The following ABCC11 variants were observed in gnomAD, a reference collection of about 807,000 sequenced individuals.
The protein encoded by ABCC11 is ATP-binding cassette sub-family C member 11.
ABCC11 carries 135 observed loss-of-function variants against 149.3 expected under a neutral mutation model. That is an observed-to-expected ratio of 0.90 (90% CI 0.79 to 1.04). The LOEUF (loss-of-function observed/expected upper bound fraction) is 1.04, where lower values mean the gene tolerates loss of function less well. Among genes scored for constraint, ABCC11 ranks in the 50% least tolerant of loss-of-function variants. The pLI, the probability that ABCC11 is intolerant of heterozygous loss-of-function variation, is 0.00. For synonymous variants in ABCC11, 665 were observed against 671.4 expected, an observed-to-expected ratio of 0.99 and a Z score of 0.15; for missense variants, 1,680 against 1,722.1, an observed-to-expected ratio of 0.98 and a Z score of 0.43.
chr16:48,187,595 C>G (rs1463107653), intron 20 of ABCC11, among the ~76,000 whole-genome samples, 168 bp from the exon 21 acceptor site: 2 of 152,172 alleles, frequency 1.3e-5, no homozygotes, highest in Non-Finnish European at 2.9e-5. Context: ...CCACGGCTAC[C>G]TGACTCCTCC....
chr16:48,216,744 CT>C (rs2150879622), intron 6 of ABCC11, among the ~76,000 whole-genome samples: 1 of 152,300 alleles, frequency 6.6e-6, no homozygotes, highest in South Asian at 2.1e-4. Context: ...AGTCCCTCTG[CT>C]TTTAAGATAA....
chr16:48,172,025 C>T (rs1193871739), intron 26 of ABCC11, among the ~76,000 whole-genome samples: 2 of 152,084 alleles, frequency 1.3e-5, no homozygotes, highest in African/African-American at 4.8e-5. Flanking sequence ...ACTCTATACC[C>T]ATTAAACAGT....
At chr16:48,231,742 T>A in intron 2 of ABCC11, 81 bp downstream of exon 2, 14 of 1,510,434 alleles carry the variant, frequency 9.3e-6, no homozygotes, top group South Asian at 5.3e-5. Context: ...TGGGAAGAAA[T>A]TGTTTGACGT....
At chr16:48,220,657 A>G (rs1381878931) in intron 6 of ABCC11, among the ~76,000 whole-genome samples, 1 of 152,354 alleles carries the variant, frequency 6.6e-6, no homozygotes, top group Admixed American at 6.5e-5. Flanking sequence ...ATTATTCCAC[A>G]GCTTCAGAGA....
chr16:48,169,202 T>C (rs867152033), intron 28 of ABCC11, among the ~76,000 whole-genome samples: 5 of 152,210 alleles, frequency 3.3e-5, no homozygotes, highest in African/African-American at 9.7e-5. Flanking sequence ...GAGGGTCTAA[T>C]GTGTTGTGTT....
chr16:48,233,579 A>G (rs1970537483), intron 1 of ABCC11, among the ~76,000 whole-genome samples: 1 of 152,250 alleles, frequency 6.6e-6, no homozygotes, highest in Non-Finnish European at 1.5e-5. Context: ...CCTAGAATAT[A>G]GCTGCATTAA....
intron 10 of ABCC11, among the ~76,000 whole-genome samples, chr16:48,211,850 A>C (rs1158494562): frequency 6.6e-6 from 1 of 152,224 alleles, no homozygotes; most frequent in Admixed American, 6.5e-5. Flanking sequence ...TGAACTACAT[A>C]AATTCAAGCA....
In ABCC11 at chr16:48,224,970, C is replaced by T. The variant is rs189534577; in HGVS notation, c.396-541G>A. On this transcript the variant is annotated intron_variant, in intron 4 of 29. Coordinates refer to ENST00000356608, the MANE Select transcript of ABCC11 (RefSeq NM_001370497.1). ...CCCAGGAGGCAGAAGTTGCAGTAAG[C>T]CGAGATCATGCCACTGCACTCCAGC... Among the ~76,000 whole-genome samples, 866 of 152,026 alleles carry T rather than the reference C, an allele frequency of 5.7e-3. 1 individual carries two copies. The highest frequency in any genetic ancestry group is 9.4e-3 in the Admixed American group (144 of 15,282).
intron 23 of ABCC11, among the ~76,000 whole-genome samples, chr16:48,180,051 G>C (rs1214292543): frequency 6.6e-6 from 1 of 152,206 alleles, no homozygotes; most frequent in African/African-American, 2.4e-5. Context: ...ATCCCTCAGT[G>C]TATCACACCC....
chr16:48,226,311 G>T (rs748359877), intron 4 of ABCC11, among the ~76,000 whole-genome samples: 27 of 121,110 alleles, frequency 2.2e-4, no homozygotes, highest in Non-Finnish European at 3.4e-4. Flanking sequence ...GTCTCACTCT[G>T]TTGCCCAGGC....
chr16:48,236,694 C>G (rs1970706580), intron 1 of ABCC11, among the ~76,000 whole-genome samples: 1 of 152,142 alleles, frequency 6.6e-6, no homozygotes, highest in Non-Finnish European at 1.5e-5. Context: ...TTGGTGTTCT[C>G]CAAAGTAGGC....
rs369240887 is a variant in ABCC11, at chr16:48,214,531, C to T, written c.1248+350G>A. ...CGACCACGAAGGGAAGGACTGAAGACGCTATACCTTTGTATTTAAAGTGCA... is the reference window on the plus strand; with the variant it reads ...CGACCACGAAGGGAAGGACTGAAGATGCTATACCTTTGTATTTAAAGTGCA... On this transcript the variant is annotated intron_variant, in intron 9 of 29. Coordinates refer to ENST00000356608, the MANE Select transcript of ABCC11 (RefSeq NM_001370497.1). Among the ~76,000 whole-genome samples the T allele has an allele frequency of 1.8e-4, 27 of 152,248 alleles. No individual in the cohort carries two copies. In the South Asian group the frequency reaches 4.8e-3, roughly 27 times the overall value.
intron 25 of ABCC11, among the ~76,000 whole-genome samples, chr16:48,176,564 C>T (rs1966084622): frequency 6.6e-6 from 1 of 152,102 alleles, no homozygotes; most frequent in Non-Finnish European, 1.5e-5. Context: ...AAAAGTGCTC[C>T]TGCCCGGACC....
chr16:48,242,798 C>T (rs925437958), intron 1 of ABCC11, among the ~76,000 whole-genome samples: 33 of 151,900 alleles, frequency 2.2e-4, no homozygotes, highest in African/African-American at 7.0e-4. Flanking sequence ...TCGCAAAGAC[C>T]GAAAACAAAA....
intron 10 of ABCC11, among the ~76,000 whole-genome samples, chr16:48,212,570 A>G (rs1749180502): frequency 6.6e-6 from 1 of 152,168 alleles, no homozygotes; most frequent in South Asian, 2.1e-4. Flanking sequence ...ACATTGTTTT[A>G]TTGGCATCAT....
chr16:48,194,119 T>G (rs1002510979), intron 18 of ABCC11, 137 bp from the exon 19 acceptor site: 7 of 582,736 alleles, frequency 1.2e-5, no homozygotes, highest in African/African-American at 1.9e-5. Context: ...CTTGGAGGAA[T>G]GGGAAGAGCT....
chr16:48,196,419 T>G, intron 17 of ABCC11, 98 bp from the exon 18 acceptor site: 1 of 1,212,090 alleles, frequency 8.3e-7, no homozygotes, highest in Non-Finnish European at 1.2e-6. Flanking sequence ...GCTTTTCACT[T>G]TCCAGCTTCA....
At position 48,181,958 on chromosome 16, in the gene ABCC11, G is replaced by A. The variant is rs898285768; in HGVS notation, c.3258+2482C>T. Among the ~76,000 whole-genome samples the A allele has an allele frequency of 2.6e-5, 4 of 152,310 alleles. No homozygotes were observed. In the South Asian group the frequency reaches 8.3e-4, roughly 32 times the overall value. On this transcript the variant is annotated intron_variant, in intron 23 of 29. Coordinates refer to ENST00000356608, the MANE Select transcript of ABCC11 (RefSeq NM_001370497.1). ...CACTTTGCTCATCTCATGCAGTGTG[G>A]TGAGCACTGAATGCCTGGAAGAGAG... is the stretch of plus-strand genomic sequence containing the variant.
intron 6 of ABCC11, among the ~76,000 whole-genome samples, chr16:48,220,337 A>T (rs1022975163): frequency 2.0e-5 from 3 of 152,208 alleles, no homozygotes; most frequent in African/African-American, 7.2e-5. Flanking sequence ...CTTTGTGACA[A>T]TGGGGACAAT....
Sources: gnomAD v4.1 joint callset for allele counts (sites outside exome capture counted in the v4.1 genomes callset) on GRCh38, gnomAD v4.1.1 for gene constraint, MANE v1.5 for transcripts, NCBI Gene and HGNC (gene_info 2026-07-23, HGNC 2026-07-21) for gene names.